IGF1R: variants seen among roughly 807,000 people sequenced by gnomAD.
IGF1R encodes insulin-like growth factor 1 receptor.
IGF1R carries 44 observed loss-of-function variants against 144.6 expected under a neutral mutation model. That is an observed-to-expected ratio of 0.30 (90% CI 0.24 to 0.39). The LOEUF (loss-of-function observed/expected upper bound fraction) is 0.39. Among genes scored for constraint, IGF1R ranks in the 10% least tolerant of loss-of-function variants. The pLI is 1.00. For synonymous variants in IGF1R, 795 were observed against 722.8 expected (o/e 1.10, Z -1.60); for missense variants, 1,355 against 1,833.7 (o/e 0.74, Z 4.77).
chr15:98,939,966 A>G (rs1018420894), intron 18 of IGF1R, among the ~76,000 whole-genome samples: 1 of 152,146 alleles, frequency 6.6e-6, no homozygotes, highest in East Asian at 1.9e-4. Context: ...CTCTTAGCTC[A>G]CCAGCCTACT....
chr15:98,778,607 C>T (rs942206519), intron 2 of IGF1R, among the ~76,000 whole-genome samples: 1 of 152,210 alleles, frequency 6.6e-6, no homozygotes, highest in African/African-American at 2.4e-5. Context: ...CAGCCCTGGC[C>T]TGGGTGGCCA....
At chr15:98,857,028 T>A (rs931153120) in intron 2 of IGF1R, among the ~76,000 whole-genome samples, 1 of 152,032 alleles carries the variant, frequency 6.6e-6, no homozygotes, top group Non-Finnish European at 1.5e-5. Flanking sequence ...TTTTTTTTTT[T>A]AAGGAAGAAA....
At chr15:98,767,678 T>A (rs543018163) in intron 2 of IGF1R, among the ~76,000 whole-genome samples, 1 of 152,212 alleles carries the variant, frequency 6.6e-6, no homozygotes, top group Non-Finnish European at 1.5e-5. Context: ...TTAAAACATA[T>A]GGTTTTTAGT....
At chr15:98,777,519 G>A (rs180987954) in intron 2 of IGF1R, among the ~76,000 whole-genome samples, 1 of 152,336 alleles carries the variant, frequency 6.6e-6, no homozygotes, top group East Asian at 1.9e-4. Flanking sequence ...AGAAGTCCAA[G>A]CAAGGAATGA....
chr15:98,687,613 G>T (rs560955885), intron 1 of IGF1R, among the ~76,000 whole-genome samples: 1 of 152,312 alleles, frequency 6.6e-6, no homozygotes, highest in African/African-American at 2.4e-5. Context: ...CTTGGTAGTA[G>T]GGTGGAGGGT....
intron 2 of IGF1R, among the ~76,000 whole-genome samples, chr15:98,840,399 A>G (rs1183403133): frequency 2.6e-5 from 4 of 152,210 alleles, no homozygotes; most frequent in African/African-American, 4.8e-5. Flanking sequence ...GTAAGTAGTA[A>G]TCTTCAGAAA....
At chr15:98,667,378 AG>A (rs1211586461) in intron 1 of IGF1R, among the ~76,000 whole-genome samples, 1 of 152,126 alleles carries the variant, frequency 6.6e-6, no homozygotes, top group Non-Finnish European at 1.5e-5. Context: ...GCCTCATTAC[AG>A]AGGGGGGAGC....
intron 2 of IGF1R, among the ~76,000 whole-genome samples, chr15:98,838,276 G>T (rs1430573832): frequency 6.6e-6 from 1 of 152,148 alleles, no homozygotes; most frequent in African/African-American, 2.4e-5. Flanking sequence ...AGGGATGGTG[G>T]CCAAACTATG....
In IGF1R at chr15:98,875,672, T is replaced by G. The variant is rs144499297; in HGVS notation, c.641-15653T>G. 2.6e-5 allele frequency among the ~76,000 whole-genome samples: 4 copies of G among 152,336 alleles called. No homozygotes were observed. The East Asian group carries it at 7.7e-4, about 29-fold the overall frequency. ...ATAGTTATTCTAAGTGTTAAGTTCC[T>G]TCATCTTTCAAAGCAAATTCCTTTG... On this transcript the variant is annotated intron_variant, in intron 2 of 20. Coordinates refer to ENST00000650285, the MANE Select transcript of IGF1R (RefSeq NM_000875.5).
At chr15:98,858,364 T>A (rs1340595411) in intron 2 of IGF1R, among the ~76,000 whole-genome samples, 3 of 152,390 alleles carry the variant, frequency 2.0e-5, no homozygotes, top group Non-Finnish European at 4.4e-5. Context: ...TCATTTTGTC[T>A]TCATTCCTTT....
rs1191582086 is a variant in IGF1R at position 98,888,438 on chromosome 15, A to AGTGTGTGTGT, written c.641-2868_641-2859dup. Among the ~76,000 whole-genome samples, 1,088 of 143,444 alleles carry AGTGTGTGTGT rather than the reference A, an allele frequency of 7.6e-3. 19 individuals carry two copies. Among genetic ancestry groups the AGTGTGTGTGT allele is most frequent in the African/African-American group, 0.026 (1,017 of 38,768 alleles). The allele number at this position is 143,444 out of a possible 152,430, so 94.1% of individuals were successfully genotyped here. On this transcript the variant is annotated intron_variant, in intron 2 of 20. Transcript: ENST00000650285. ...TGGGGGTTTGATGAGAGAGAGAGAGAGTGTGTGTGTGTGTGTGTGTGTGTG... is the reference window on the plus strand; with the variant it reads ...TGGGGGTTTGATGAGAGAGAGAGAGAGTGTGTGTGTGTGTGTGTGTGTGTGTGTGTGTGTG...
chr15:98,962,088 G>A lies in IGF1R; in HGVS notation c.*4646G>A, dbSNP rs764542630. 63 of 233,234 alleles carry A rather than the reference G, an allele frequency of 2.7e-4. No individual in the cohort carries two copies. Among genetic ancestry groups the A allele is most frequent in the Non-Finnish European group, 3.9e-4 (46 of 118,082 alleles). 14.4% of individuals were successfully genotyped at this position (233,234 alleles called of 1,614,324 possible). A position where few individuals can be genotyped will look rare whatever the true frequency, so the allele number is the denominator to read the frequency against. Reference sequence around the variant, plus strand: ...AGTCCACCTCTGCAGGCTGGCAGCCGAATGGCTTGCCAGTGGCTCTGTGGC... The same window carrying A: ...AGTCCACCTCTGCAGGCTGGCAGCCAAATGGCTTGCCAGTGGCTCTGTGGC... On this transcript the variant is annotated 3_prime_UTR_variant, in exon 21 of 21. Transcript: ENST00000650285.
intron 14 of IGF1R, among the ~76,000 whole-genome samples, chr15:98,930,022 G>A (rs2015877821): frequency 6.6e-6 from 1 of 152,224 alleles, no homozygotes; most frequent in South Asian, 2.1e-4. Flanking sequence ...AGGCTACTGA[G>A]GAAGCCAGAA....
chr15:98,930,165 G>A (rs760456786), intron 14 of IGF1R, 70 bp from the exon 15 acceptor site: 27 of 1,035,716 alleles, frequency 2.6e-5, no homozygotes, highest in Middle Eastern at 2.0e-4. Context: ...CTGTTGTAGC[G>A]AAGATGAAAG....
intron 1 of IGF1R, among the ~76,000 whole-genome samples, chr15:98,705,951 C>G (rs747246893): frequency 7.9e-5 from 12 of 152,252 alleles, no homozygotes; most frequent in Non-Finnish European, 1.3e-4. Context: ...ATGGGCATAC[C>G]TTGTTCTGCA....
chr15:98,773,036 T>G (rs1439183827), intron 2 of IGF1R, among the ~76,000 whole-genome samples: 1 of 152,164 alleles, frequency 6.6e-6, no homozygotes, highest in Non-Finnish European at 1.5e-5. Flanking sequence ...CTCTCTTGAG[T>G]TAACTACTGG....
intron 2 of IGF1R, among the ~76,000 whole-genome samples, chr15:98,726,712 A>ATTTTTTTTTTTTT (rs756622481): frequency 1.1e-5 from 1 of 93,108 alleles, no homozygotes; most frequent in Non-Finnish European, 2.1e-5. Context: ...TACATTGATG[A>ATTTTTTTTTTTTT]TTTTTTTTTT....
chr15:98,800,129 G>A (rs2056331149), intron 2 of IGF1R, among the ~76,000 whole-genome samples: 1 of 152,090 alleles, frequency 6.6e-6, no homozygotes, highest in South Asian at 2.1e-4. Context: ...TAGGGACTTG[G>A]TGTTTTACAG....
At chr15:98,951,663 A>G (rs115116327) in intron 20 of IGF1R, among the ~76,000 whole-genome samples, 119 of 152,262 alleles carry the variant, frequency 7.8e-4, no homozygotes, top group African/African-American at 2.8e-3. Context: ...ACCCACTTCC[A>G]AGGTGTTGCT....
Sources: gnomAD v4.1 joint callset for allele counts (sites outside exome capture counted in the v4.1 genomes callset) on GRCh38, gnomAD v4.1.1 for gene constraint, MANE v1.5 for transcripts, NCBI Gene and HGNC (gene_info 2026-07-23, HGNC 2026-07-21) for gene names.